ESR1: variants seen among roughly 807,000 people sequenced by gnomAD.
The protein encoded by ESR1 is estrogen receptor 1.
Under a neutral mutation model 52.7 loss-of-function variants are expected in ESR1, and 12 were observed. The ratio of observed to expected loss-of-function variants is 0.23; its 90% CI spans 0.15 to 0.37. The LOEUF is 0.37. ESR1 is among the 10% of genes least tolerant of loss of function. The pLI, the probability that ESR1 is intolerant of heterozygous loss-of-function variation, is 1.00. For missense variants in ESR1, 584 were observed against 779.7 expected (o/e 0.75, Z 2.99); for synonymous variants, 305 against 316.8 (o/e 0.96, Z 0.39).
At chr6:152,125,299 T>C (rs1258954791) in exon 7 of ESR1, 1 of 1,550,462 alleles carries the variant, frequency 6.4e-7, no homozygotes, top group African/African-American at 1.4e-5. Context: ...AAGAGAATCC[T>C]GAACTTGCAT....
At chr6:151,772,976 A>C (rs542106870) in intron 2 of ESR1, among the ~76,000 whole-genome samples, 1 of 152,288 alleles carries the variant, frequency 6.6e-6, no homozygotes, top group East Asian at 1.9e-4. Context: ...CTCTGTTATA[A>C]GTTGAATTGT....
At chr6:151,804,107 T>G (rs1299756358), upstream of ESR1, among the ~76,000 whole-genome samples, 1 of 152,130 alleles carries the variant, frequency 6.6e-6, no homozygotes, top group African/African-American at 2.4e-5. Context: ...AGTGAAGTTT[T>G]TGCCAAAGGC....
At chr6:151,800,991 A>T (rs4329127), upstream of ESR1, among the ~76,000 whole-genome samples, 457 of 151,874 alleles carry the variant, frequency 3.0e-3, 4 homozygotes, top group African/African-American at 6.8e-3. Flanking sequence ...GTCTTTTTTT[A>T]AAAAAAATCA....
chr6:151,772,516 T>C (rs1785604166), intron 2 of ESR1, among the ~76,000 whole-genome samples: 2 of 152,230 alleles, frequency 1.3e-5, no homozygotes, highest in Admixed American at 1.3e-4. Flanking sequence ...GCAAACTCTA[T>C]GGCAGATTCT....
chr6:151,688,884 T>C (rs1049927300), upstream of ESR1, among the ~76,000 whole-genome samples: 1 of 152,350 alleles, frequency 6.6e-6, no homozygotes, highest in Admixed American at 6.5e-5. Context: ...GATGACTATA[T>C]ATGCTCAGAA....
rs565462111 is a variant in ESR1 at position 152,029,804 on chromosome 6, C to T, written c.1235+18010C>T. On this transcript the variant is annotated intron_variant, in intron 5 of 7. Coordinates refer to ENST00000206249, the MANE Select transcript of ESR1 (RefSeq NM_000125.4). ...AAATACAGAGAACACCACAAAGATA[C>T]TCCTTGAGAAGAGCAACTCCAAGAC... is the stretch of plus-strand genomic sequence containing the variant. Among the ~76,000 whole-genome samples the T allele has an allele frequency of 2.2e-3, 330 of 152,282 alleles. 1 individual carries two copies. Among genetic ancestry groups the T allele is most frequent in the Non-Finnish European group, 3.6e-3 (247 of 68,038 alleles).
At chr6:151,946,137 ATTGCCTTGTTC>A (rs2035675093) in intron 4 of ESR1, among the ~76,000 whole-genome samples, 1 of 152,142 alleles carries the variant, frequency 6.6e-6, no homozygotes, top group African/African-American at 2.4e-5. Context: ...TATATTTGTT[ATTGCCTTGTTC>A]TTATATTATA....
intron 2 of ESR1, among the ~76,000 whole-genome samples, chr6:151,712,274 G>A (rs1431967823): frequency 6.6e-6 from 1 of 152,134 alleles, no homozygotes; most frequent in Non-Finnish European, 1.5e-5. Context: ...AAGTTAGGTA[G>A]CATGATCCCT....
rs528009942 is a variant in ESR1, at chr6:151,784,404, T to C, written c.-70-23439T>C. Reference sequence around the variant, plus strand: ...CCAGCTTCTAGAAGTTATATTTTTATAGAGAAGATATGTTTTTAAATATAA... The same window carrying C: ...CCAGCTTCTAGAAGTTATATTTTTACAGAGAAGATATGTTTTTAAATATAA... On this transcript the variant is annotated intron_variant, in intron 2 of 2. Transcript: ENST00000404742. Among the ~76,000 whole-genome samples the C allele has an allele frequency of 1.4e-4, 22 of 152,356 alleles. No homozygotes were observed. In the South Asian group the frequency reaches 4.6e-3, roughly 32 times the overall value.
At chr6:151,790,893 G>A (rs1167452701) in intron 2 of ESR1, among the ~76,000 whole-genome samples, 1 of 151,982 alleles carries the variant, frequency 6.6e-6, no homozygotes, top group African/African-American at 2.4e-5. Context: ...AATTTTATTT[G>A]GCAAATTGAT....
intron 3 of ESR1, among the ~76,000 whole-genome samples, chr6:151,905,168 C>T (rs146513521): frequency 8.5e-5 from 13 of 152,232 alleles, no homozygotes; most frequent in African/African-American, 2.9e-4. Context: ...ACTCAAACAG[C>T]AGAAGGCAGA....
intron 2 of ESR1, among the ~76,000 whole-genome samples, chr6:151,872,780 G>A (rs143784157): frequency 7.9e-4 from 120 of 152,290 alleles, no homozygotes; most frequent in African/African-American, 2.7e-3. Context: ...AAGGGCTGGG[G>A]TAGATACAGA....
intron 6 of ESR1, among the ~76,000 whole-genome samples, chr6:152,071,527 G>A (rs1477596524): frequency 9.2e-5 from 14 of 152,236 alleles, no homozygotes; most frequent in South Asian, 2.1e-4. Context: ...TTATAATAGC[G>A]TCTACCTCAT....
intron 2 of ESR1, among the ~76,000 whole-genome samples, chr6:151,875,401 T>C (rs1220116906): frequency 1.3e-5 from 2 of 152,074 alleles, no homozygotes; most frequent in South Asian, 2.1e-4. Flanking sequence ...ACAAATGAAG[T>C]TGGGGGTGAG....
chr6:151,976,825 G>A (rs1157819744), intron 4 of ESR1, among the ~76,000 whole-genome samples: 1 of 151,904 alleles, frequency 6.6e-6, no homozygotes, highest in Non-Finnish European at 1.5e-5. Context: ...TGTTGATAAT[G>A]CTCTCCCTTT....
intron 4 of ESR1, among the ~76,000 whole-genome samples, chr6:152,009,877 C>T (rs2042628297): frequency 6.6e-6 from 1 of 152,090 alleles, no homozygotes; most frequent in Admixed American, 6.6e-5. Flanking sequence ...AGGACATATC[C>T]ATGCAATGGA....
chr6:152,025,030 G>T (rs1324442748), intron 5 of ESR1, among the ~76,000 whole-genome samples: 1 of 142,070 alleles, frequency 7.0e-6, no homozygotes, highest in African/African-American at 2.8e-5. Context: ...AAAAATAGTA[G>T]CAGTCATAGG....
chr6:151,723,431 T>C (rs1360681760), intron 2 of ESR1, among the ~76,000 whole-genome samples: 1 of 152,220 alleles, frequency 6.6e-6, no homozygotes, highest in African/African-American at 2.4e-5. Flanking sequence ...ATTTCCCCAT[T>C]GAACCTGATA....
At chr6:151,935,093 A>C (rs2034195525) in intron 3 of ESR1, among the ~76,000 whole-genome samples, 1 of 152,198 alleles carries the variant, frequency 6.6e-6, no homozygotes, top group Non-Finnish European at 1.5e-5. Context: ...TGGCTGTAAT[A>C]AGGAATACTA....
Sources: gnomAD v4.1 joint callset for allele counts (sites outside exome capture counted in the v4.1 genomes callset) on GRCh38, gnomAD v4.1.1 for gene constraint, MANE v1.5 for transcripts, NCBI Gene and HGNC (gene_info 2026-07-23, HGNC 2026-07-21) for gene names.